The following CPNE8 variants were observed in gnomAD, a reference collection of about 807,000 sequenced individuals.
CPNE8 encodes copine 8.
In CPNE8, 45 loss-of-function variants were observed where a neutral mutation model predicts 81.5. That is an observed-to-expected ratio of 0.55 (90% CI 0.44 to 0.71). CPNE8 has a LOEUF of 0.71. Ranked by LOEUF, CPNE8 falls within the 30% of genes least tolerant of loss-of-function variation. The probability of loss-of-function intolerance (pLI) is 0.00; values close to 1 mark genes in which losing one functional copy is unlikely to be tolerated. For synonymous variants in CPNE8, 252 were observed against 226.3 expected, an observed-to-expected ratio of 1.11 and a Z score of -1.02; for missense variants, 594 against 672.1, an observed-to-expected ratio of 0.88 and a Z score of 1.28.
At chr12:38,673,412 G>A (rs1334001144) in intron 18 of CPNE8, among the ~76,000 whole-genome samples, 1 of 152,022 alleles carries the variant, frequency 6.6e-6, no homozygotes, top group African/African-American at 2.4e-5. Flanking sequence ...TGTCATGAGA[G>A]GCTCCTCTGA....
At chr12:38,753,864 C>T (rs576147187) in intron 10 of CPNE8, among the ~76,000 whole-genome samples, 40 of 152,034 alleles carry the variant, frequency 2.6e-4, no homozygotes, top group Non-Finnish European at 3.4e-4. Context: ...TCAGTATGTA[C>T]GTATAAGAAA....
intron 13 of CPNE8, among the ~76,000 whole-genome samples, chr12:38,708,877 C>T (rs577338089): frequency 7.4e-4 from 113 of 152,188 alleles, no homozygotes; most frequent in Non-Finnish European, 1.6e-3. Flanking sequence ...ACTAACAAAA[C>T]TGTGATAGGG....
chr12:38,851,782 T>C (rs1175337037), intron 3 of CPNE8, among the ~76,000 whole-genome samples: 1 of 152,214 alleles, frequency 6.6e-6, no homozygotes, highest in Non-Finnish European at 1.5e-5. Flanking sequence ...GTACTTATAA[T>C]AAAATCTCTT....
chr12:38,811,694 GAAAC>G (rs1174443640), intron 6 of CPNE8, among the ~76,000 whole-genome samples: 3 of 152,030 alleles, frequency 2.0e-5, no homozygotes, highest in Non-Finnish European at 4.4e-5. Context: ...GTCTCTACAA[GAAAC>G]AAACAAACAA....
intron 3 of CPNE8, among the ~76,000 whole-genome samples, chr12:38,871,078 C>T: frequency 6.6e-6 from 1 of 152,048 alleles, no homozygotes; most frequent in East Asian, 1.9e-4. Context: ...TCATTCATTG[C>T]TTAGGCAATA....
At chr12:38,830,877 C>A (rs550607255) in intron 5 of CPNE8, among the ~76,000 whole-genome samples, 1 of 152,226 alleles carries the variant, frequency 6.6e-6, no homozygotes, top group South Asian at 2.1e-4. Flanking sequence ...TACTACTCAC[C>A]TAATCACTAT....
At chr12:38,676,958 CAT>C (rs1939302919) in intron 17 of CPNE8, among the ~76,000 whole-genome samples, 1 of 151,394 alleles carries the variant, frequency 6.6e-6, no homozygotes, top group Admixed American at 6.6e-5. Flanking sequence ...ATCTAGTAAA[CAT>C]AGATTTTATA....
At chr12:38,742,985 T>A (rs1941144729) in intron 10 of CPNE8, among the ~76,000 whole-genome samples, 1 of 151,982 alleles carries the variant, frequency 6.6e-6, no homozygotes. Context: ...AGGAAAAAGT[T>A]GTCTAAATAA....
At chr12:38,714,051 A>G (rs910115255) in intron 13 of CPNE8, among the ~76,000 whole-genome samples, 1 of 152,146 alleles carries the variant, frequency 6.6e-6, no homozygotes, top group Non-Finnish European at 1.5e-5. Flanking sequence ...GGGATGGGGA[A>G]GTGGAGTGTC....
At chr12:38,829,080 A>G (rs117074655) in intron 6 of CPNE8, among the ~76,000 whole-genome samples, 1 of 152,318 alleles carries the variant, frequency 6.6e-6, no homozygotes, top group Non-Finnish European at 1.5e-5. Context: ...AAAAGAGTAA[A>G]ATCTCTTTTT....
intron 3 of CPNE8, among the ~76,000 whole-genome samples, chr12:38,855,702 T>G (rs1943719822): frequency 6.6e-6 from 1 of 152,114 alleles, no homozygotes; most frequent in African/African-American, 2.4e-5. Flanking sequence ...ATTTCAAAAT[T>G]GCTAAGACAA....
At chr12:38,774,657 T>C (rs142533419) in intron 7 of CPNE8, among the ~76,000 whole-genome samples, 4 of 152,286 alleles carry the variant, frequency 2.6e-5, no homozygotes, top group East Asian at 3.9e-4. Context: ...TTTTTTGGTT[T>C]ATTGCCCTTC....
In CPNE8 at chr12:38,796,420, T is replaced by C. The variant is rs545376213; in HGVS notation, c.408-20119A>G. Among the ~76,000 whole-genome samples the C allele has an allele frequency of 2.6e-5, 4 of 152,262 alleles. No homozygotes were observed. In the South Asian group the frequency reaches 6.2e-4, roughly 24 times the overall value. On this transcript the variant is annotated intron_variant, in intron 6 of 19. Coordinates refer to ENST00000331366, the MANE Select transcript of CPNE8 (RefSeq NM_153634.3). ...TCATAAAAGTAAAAATGATAAAAGA[T>C]TGATGATTTCACATTAAAATTAAGA...
At chr12:38,828,705 G>T (rs536110219) in intron 6 of CPNE8, among the ~76,000 whole-genome samples, 1 of 152,248 alleles carries the variant, frequency 6.6e-6, no homozygotes, top group South Asian at 2.1e-4. Flanking sequence ...ATTCTTTCTA[G>T]ATCTTCTGAA....
In CPNE8 at chr12:38,726,049, T is replaced by C. The variant is rs186157543; in HGVS notation, c.799-1150A>G. Among the ~76,000 whole-genome samples the C allele has an allele frequency of 2.7e-3, 410 of 152,146 alleles. 1 individual carries two copies. Among genetic ancestry groups the C allele is most frequent in the African/African-American group, 9.4e-3 (391 of 41,532 alleles). ...ACAGGAGGCAGAGCTCAGGCAGTAA[T>C]GCTCCCTTGCTTGCGGCTCACCTCA... On this transcript the variant is annotated intron_variant, in intron 11 of 19. Coordinates refer to ENST00000331366, the MANE Select transcript of CPNE8 (RefSeq NM_153634.3).
intron 17 of CPNE8, chr12:38,676,146 A>T (rs1939284508): frequency 2.1e-6 from 1 of 476,984 alleles, no homozygotes; most frequent in Non-Finnish European, 2.7e-6. Flanking sequence ...AAGAAAAAAT[A>T]ATAATTAAGA....
At chr12:38,698,500 A>T (rs1386280237) in intron 14 of CPNE8, among the ~76,000 whole-genome samples, 2 of 152,204 alleles carry the variant, frequency 1.3e-5, no homozygotes, top group Non-Finnish European at 2.9e-5. Context: ...ATGAAGATGC[A>T]TCCCTATGTT....
intron 4 of CPNE8, among the ~76,000 whole-genome samples, chr12:38,847,039 G>A (rs999333171): frequency 6.6e-6 from 1 of 151,908 alleles, no homozygotes; most frequent in African/African-American, 2.4e-5. Context: ...ATGCATATGT[G>A]TATGCTTAAA....
chr12:38,839,182 T>A (rs1401578298), intron 5 of CPNE8, among the ~76,000 whole-genome samples: 1 of 152,054 alleles, frequency 6.6e-6, no homozygotes, highest in Non-Finnish European at 1.5e-5. Flanking sequence ...GTGGCCTAAT[T>A]CCAATTTCAC....
Sources: allele counts gnomAD v4.1 joint callset (sites outside exome capture counted in the v4.1 genomes callset), GRCh38; gene constraint gnomAD v4.1.1; transcripts MANE v1.5; gene names NCBI Gene and HGNC (gene_info 2026-07-23, HGNC 2026-07-21).